Variants in DNAH1 observed in about 807,000 individuals in gnomAD.
DNAH1 encodes dynein axonemal heavy chain 1.
In DNAH1, 327 loss-of-function variants were observed where a neutral mutation model predicts 484.3. That is an observed-to-expected ratio of 0.68 (90% CI 0.62 to 0.74). The LOEUF is 0.74. DNAH1 is among the 30% of genes least tolerant of loss of function. The pLI is 0.00. For missense variants in DNAH1, 5,052 were observed against 5,546.8 expected, an observed-to-expected ratio of 0.91 and a Z score of 2.83; for synonymous variants, 2,192 against 2,191.9, an observed-to-expected ratio of 1.00 and a Z score of 0.00.
chr3:52,350,090 G>C lies in DNAH1; in HGVS notation c.2628G>C (p.Glu876Asp), dbSNP rs527300893. The C allele has an allele frequency of 3.1e-6, 5 of 1,612,158 alleles. No homozygotes were observed. In the South Asian group the frequency reaches 5.5e-5, roughly 18 times the overall value. ...ELREWMKGIP[E>D]RLVGLEERIV... is the part of the protein sequence containing the mutation. ...GAGAGTGGATGAAGGGCATCCCGGA[G>C]AGGCTGGTGGGCCTGGAGGTGAGGC... Residue 876 changes from glutamate to aspartate, a missense_variant, in exon 15 of 78, where the codon GAG (glutamate) becomes GAC (aspartate). By Grantham distance (45) the Glu-to-Asp change is conservative. Transcript: ENST00000420323.
At chr3:52,311,312 T>G in the DNAH1 span, among the ~76,000 whole-genome samples, 4 of 152,204 alleles carry the variant, frequency 2.6e-5, no homozygotes, top group Admixed American at 2.6e-4. Flanking sequence ...GGGGCCTAGC[T>G]TTGCCCTATG....
chr3:52,314,510 C>A (rs2153222087), upstream of DNAH1, among the ~76,000 whole-genome samples: 1 of 152,270 alleles, frequency 6.6e-6, no homozygotes, highest in Admixed American at 6.5e-5. Context: ...GTGATGGCCC[C>A]GATGTGGGTT....
At position 52,361,045 on chromosome 3, in the gene DNAH1, C is replaced by A; in HGVS notation, c.4686-119C>A. 1.0e-6 allele frequency: 1 copy of A among 1,000,152 alleles called. No homozygotes were observed. Among genetic ancestry groups the A allele is most frequent in the Non-Finnish European group, 1.3e-6 (1 of 743,576 alleles). The allele number at this position is 1,000,152 out of a possible 1,614,324, so 62.0% of individuals were successfully genotyped here. A position where few individuals can be genotyped will look rare whatever the true frequency, so the allele number is the denominator to read the frequency against. ...TCCTGACCCCGGAGCCAGGGCTGGG[C>A]ACACCCCAGCCCACCAAAAGGGGAC... is the stretch of plus-strand genomic sequence containing the variant. On this transcript the variant is annotated intron_variant, in intron 28 of 77. Coordinates refer to ENST00000420323, the MANE Select transcript of DNAH1 (RefSeq NM_015512.5). This position sits in a 1 kb window ranked among gnomAD's most constrained non-coding sequence, Gnocchi z 5.6.
intron 3 of DNAH1, among the ~76,000 whole-genome samples, chr3:52,324,286 C>T (rs988665757): frequency 7.2e-5 from 11 of 152,178 alleles, no homozygotes; most frequent in Non-Finnish European, 1.5e-4. Flanking sequence ...AGATAGATGC[C>T]TGGGAGATCC....
chr3:52,361,741 C>T lies in DNAH1; in HGVS notation c.4955C>T (p.Thr1652Ile). 1 of 1,610,384 alleles carries T rather than the reference C, an allele frequency of 6.2e-7. No homozygotes were observed. The highest frequency in any genetic ancestry group is 8.5e-7 in the Non-Finnish European group (1 of 1,178,570). Residue 1652 changes from threonine to isoleucine, a missense_variant, in exon 30 of 78, where the codon ACC becomes ATC. Around this residue, in one of 4 missense-constraint regions of DNAH1, gnomAD observed 2,929 missense variants for 3,409.4 expected, o/e 0.86. Coordinates refer to ENST00000420323, the MANE Select transcript of DNAH1 (RefSeq NM_015512.5). This position sits in a 1 kb window ranked among gnomAD's most constrained non-coding sequence, Gnocchi z 5.6. ...TCTGTGGTGGCGCAGCAGATCACCA[C>T]CATCCAGAAGGCGCAGCAGCAGCGG... is the stretch of plus-strand genomic sequence containing the variant. ...VLSVVAQQIT[T>I]IQKAQQQRVE... is the part of the protein sequence containing the mutation.
chr3:52,338,353 C>T (rs1428319170), intron 8 of DNAH1, among the ~76,000 whole-genome samples: 1 of 152,216 alleles, frequency 6.6e-6, no homozygotes, highest in African/African-American at 2.4e-5. Flanking sequence ...AAATGATTCA[C>T]CCACCTCGGC....
intron 66 of DNAH1, among the ~76,000 whole-genome samples, chr3:52,394,076 C>T (rs1246020789): frequency 2.0e-5 from 3 of 152,230 alleles, no homozygotes; most frequent in Middle Eastern, 3.2e-3. Flanking sequence ...CCTGCTTGGC[C>T]AGGAACTCAC....
intron 75 of DNAH1, 68 bp downstream of exon 75, chr3:52,398,230 G>T: frequency 6.6e-7 from 1 of 1,521,842 alleles, no homozygotes; most frequent in Non-Finnish European, 8.8e-7. Context: ...GACAACAGGG[G>T]TTACTATGGG....
rs778809753 is a variant in DNAH1 at position 52,331,278 on chromosome 3, G to A, written c.1002G>A (p.Arg334=). The change falls in exon 7 of 78, where the codon AGG becomes AGA. Residue 334 remains arginine, a synonymous_variant. Transcript: ENST00000420323. ...EKGLVRDEMG[R]PILNAGVTTE... ...GCCTGGTGCGAGATGAGATGGGGAG[G>A]CCCATCCTGAATGCAGGGGTCACCA... 1.2e-6 allele frequency: 2 copies of A among 1,610,124 alleles called. No homozygotes were observed. Among genetic ancestry groups the A allele is most frequent in the South Asian group, 2.2e-5 (2 of 89,986 alleles).
Position 52,358,694 on chromosome 3 carries a change from G to T in DNAH1, c.4223G>T (p.Ser1408Ile), listed in dbSNP as rs544176516. The change falls in exon 25 of 78, where the codon AGT (serine) becomes ATT (isoleucine). Residue 1408 changes from serine to isoleucine, a missense_variant. Physicochemically the swap from Ser to Ile is moderately radical, Grantham distance 142. This residue lies in a region of DNAH1 where 2,929 missense variants were observed against 3,409.4 expected (regional missense o/e 0.86). Coordinates refer to ENST00000420323, the MANE Select transcript of DNAH1 (RefSeq NM_015512.5). The surrounding 1 kb of genome is among the most constrained non-coding windows in gnomAD (Gnocchi z 4.2). The stretch of plus-strand genomic sequence containing the variant: ...GAGGTGGAGCGCAGCATGAAGGCCA[G>T]TGTGCACGACATCATTGAGAAGGCC... Reference protein sequence around the residue: ...LREVERSMKASVHDIIEKAIR... With the variant: ...LREVERSMKAIVHDIIEKAIR... 6.2e-7 allele frequency: 1 copy of T among 1,613,106 alleles called. No individual in the cohort carries two copies. The highest frequency in any genetic ancestry group is 8.5e-7 in the Non-Finnish European group (1 of 1,179,762).
At chr3:52,332,068 G>A (rs1701574103) in intron 7 of DNAH1, 74 bp from the exon 8 acceptor site, 7 of 1,500,648 alleles carry the variant, frequency 4.7e-6, no homozygotes, top group Non-Finnish European at 6.3e-6. Context: ...CCACGGCACA[G>A]CCGGCCGGAA....
chr3:52,347,821 C>A lies in DNAH1; in HGVS notation c.1956-3C>A. ...CCCACAGTCAGCTCGCCATTGCCTG[C>A]AGGCCCCGGAAGAATCCCCTGTTCA... On this transcript the variant is annotated splice_polypyrimidine_tract_variant and splice_region_variant and intron_variant, in intron 11 of 77. Transcript: ENST00000420323. 1 of 1,575,130 alleles carries A rather than the reference C, an allele frequency of 6.3e-7. No homozygotes were observed. The highest frequency in any genetic ancestry group is 2.3e-5 in the East Asian group (1 of 43,368).
At position 52,349,269 on chromosome 3, in the gene DNAH1, T is replaced by A. The variant is rs764949926; in HGVS notation, c.2375T>A (p.Ile792Asn). 8 of 1,613,958 alleles carry A rather than the reference T, an allele frequency of 5.0e-6. No homozygotes were observed. The East Asian group carries it at 1.6e-4, about 31-fold the overall frequency. Residue 792 changes from isoleucine (I) to asparagine (N), a missense_variant, in exon 14 of 78, where the codon ATC becomes AAC. Coordinates refer to ENST00000420323, the MANE Select transcript of DNAH1 (RefSeq NM_015512.5). The stretch of plus-strand genomic sequence containing the variant: ...CTCACCCACCTGCGGGAGAAGGAGA[T>A]CCTGGACAGCTCGCTGCCCAGCAGC... The part of the protein sequence containing the change: ...VVLTHLREKE[I>N]LDSSLPSSII...
In DNAH1 at chr3:52,355,108, G is replaced by C. The variant is rs1446931939; in HGVS notation, c.3693+53G>C. On this transcript the variant is annotated intron_variant, in intron 21 of 77. Transcript: ENST00000420323. The surrounding 1 kb of genome is among the most constrained non-coding windows in gnomAD (Gnocchi z 4.5). ...ATCGCTCCCCCACTTCAGAGAGCCC[G>C]ACCCACAGGTGTCACTGATGGTCTC... The C allele has an allele frequency of 1.9e-6, 3 of 1,557,852 alleles. No individual in the cohort carries two copies. The highest frequency in any genetic ancestry group is 2.6e-6 in the Non-Finnish European group (3 of 1,136,946).
Position 52,386,289 on chromosome 3 carries a change from G to C in DNAH1, c.8755G>C (p.Ala2919Pro). 5 of 1,606,170 alleles carry C rather than the reference G, an allele frequency of 3.1e-6. No individual in the cohort carries two copies. In the South Asian group the frequency reaches 5.6e-5, roughly 18 times the overall value. Reference sequence around the variant, plus strand: ...GAAGGACCTGGACGAGGCGTTGCCAGCCCTGGATGCGGCTCTGGCCAGCCT... The same window carrying C: ...GAAGGACCTGGACGAGGCGTTGCCACCCCTGGATGCGGCTCTGGCCAGCCT... Reference protein sequence around the residue: ...AQKDLDEALPALDAALASLRN... With the variant: ...AQKDLDEALPPLDAALASLRN... Residue 2919 changes from alanine to proline, a missense_variant, in exon 55 of 78, where the codon GCC becomes CCC. Ala to Pro is a conservative substitution (Grantham distance 27). Coordinates refer to ENST00000420323, the MANE Select transcript of DNAH1 (RefSeq NM_015512.5).
chr3:52,380,993 T>A (rs557435477), intron 48 of DNAH1, among the ~76,000 whole-genome samples: 5 of 152,210 alleles, frequency 3.3e-5, no homozygotes, highest in Non-Finnish European at 5.9e-5. Flanking sequence ...TCATATGAGT[T>A]ATGGAGTTCA....
chr3:52,359,729 G>C (rs750710328), intron 26 of DNAH1, among the ~76,000 whole-genome samples, 187 bp from the exon 27 acceptor site: 1 of 152,210 alleles, frequency 6.6e-6, no homozygotes, highest in East Asian at 1.9e-4. Context: ...GGAGGCAGAC[G>C]CCAGGCATGT....
intron 8 of DNAH1, 93 bp from the exon 9 acceptor site, chr3:52,344,397 C>T (rs1296809933): frequency 6.7e-7 from 1 of 1,492,030 alleles, no homozygotes; most frequent in African/African-American, 1.4e-5. Context: ...AAATGCGTGT[C>T]CCCAGGTCCA....
At chr3:52,321,273 C>T (rs1357365648) in intron 1 of DNAH1, among the ~76,000 whole-genome samples, 2 of 152,064 alleles carry the variant, frequency 1.3e-5, no homozygotes, top group Non-Finnish European at 2.9e-5. Context: ...TGTGCCACCA[C>T]ACCTGGCTAA....
Sources: allele counts gnomAD v4.1 joint callset (sites outside exome capture counted in the v4.1 genomes callset), GRCh38; gene constraint gnomAD v4.1.1; regional missense constraint gnomAD v4.1.1; non-coding constraint Gnocchi (gnomAD v3.1); transcripts MANE v1.5; gene names NCBI Gene and HGNC (gene_info 2026-07-23, HGNC 2026-07-21).